The following TNS3 variants were observed in gnomAD, a reference collection of about 807,000 sequenced individuals.
TNS3 encodes tensin 3, also known as tensin-3.
TNS3 carries 45 observed loss-of-function variants against 140.9 expected under a neutral mutation model. The ratio of observed to expected loss-of-function variants is 0.32; its 90% CI spans 0.25 to 0.41. TNS3 has a LOEUF of 0.41. Among genes scored for constraint, TNS3 ranks in the 10% least tolerant of loss-of-function variants. TNS3 has a pLI of 1.00. For synonymous variants in TNS3, 815 were observed against 788.4 expected, an observed-to-expected ratio of 1.03 and a Z score of -0.56; for missense variants, 1,716 against 1,906.7, an observed-to-expected ratio of 0.90 and a Z score of 1.86.
intron 20 of TNS3, among the ~76,000 whole-genome samples, chr7:47,319,118 A>G (rs1290566787): frequency 1.3e-5 from 2 of 152,152 alleles, no homozygotes; most frequent in Admixed American, 1.3e-4. Flanking sequence ...TCCTACAACC[A>G]CTGTCTGAGT....
Position 47,396,761 on chromosome 7 carries a change from C to T in TNS3, c.1024+39G>A, listed in dbSNP as rs771880077. 4 of 1,521,992 alleles carry T rather than the reference C, an allele frequency of 2.6e-6. No individual in the cohort carries two copies. The Admixed American group carries it at 6.7e-5, about 25-fold the overall frequency. 94.3% of individuals were successfully genotyped at this position (1,521,992 alleles called of 1,614,324 possible). A position where few individuals can be genotyped will look rare whatever the true frequency, so the allele number is the denominator to read the frequency against. The stretch of plus-strand genomic sequence containing the variant: ...TTGAGTGGGCTGTCTTCCCTGTGCC[C>T]TTTGCCTCCATAACTGCACACAAGA... On this transcript the variant is annotated intron_variant, in intron 16 of 30. Coordinates refer to ENST00000311160, the MANE Select transcript of TNS3 (RefSeq NM_022748.12).
At chr7:47,296,185 C>T (rs747004413) in intron 24 of TNS3, among the ~76,000 whole-genome samples, 25 of 151,764 alleles carry the variant, frequency 1.6e-4, no homozygotes, top group South Asian at 8.3e-4. Flanking sequence ...AAAAAGAAAA[C>T]TGAAAATCAA....
At chr7:47,565,179 A>G (rs4236388) in intron 1 of TNS3, among the ~76,000 whole-genome samples, 150,507 of 151,418 alleles carry the variant, frequency 0.99, 74,808 homozygotes, top group South Asian at 1. Flanking sequence ...CTGGGTTCAC[A>G]CCATTCTCCT....
intron 10 of TNS3, among the ~76,000 whole-genome samples, chr7:47,420,222 TAGAC>T (rs1037118192): frequency 4.9e-4 from 74 of 152,304 alleles, no homozygotes; most frequent in Middle Eastern, 3.4e-3. Flanking sequence ...TACAGGCAGT[TAGAC>T]AGGCATGAGC....
At chr7:47,465,855 C>T (rs1432707499) in intron 4 of TNS3, among the ~76,000 whole-genome samples, 1 of 149,454 alleles carries the variant, frequency 6.7e-6, no homozygotes. Flanking sequence ...ACACAAGAGG[C>T]GGAGGTTGCT....
At chr7:47,546,915 A>C (rs1344062930) in intron 1 of TNS3, among the ~76,000 whole-genome samples, 1 of 152,242 alleles carries the variant, frequency 6.6e-6, no homozygotes, top group Non-Finnish European at 1.5e-5. Flanking sequence ...AAAATGACAA[A>C]GACAGACGCC....
chr7:47,420,222 T>TA (rs1270371422), intron 10 of TNS3, among the ~76,000 whole-genome samples: 4 of 152,304 alleles, frequency 2.6e-5, no homozygotes, highest in Non-Finnish European at 1.5e-5. Context: ...TACAGGCAGT[T>TA]AGACAGGCAT....
At chr7:47,414,351 C>A (rs774829738) in intron 11 of TNS3, among the ~76,000 whole-genome samples, 52 of 152,320 alleles carry the variant, frequency 3.4e-4, no homozygotes, top group Non-Finnish European at 6.9e-4. Context: ...AACCTCTGAG[C>A]AAGCACCTGC....
At chr7:47,295,077 C>T (rs777872540) in intron 24 of TNS3, among the ~76,000 whole-genome samples, 1 of 152,104 alleles carries the variant, frequency 6.6e-6, no homozygotes, top group African/African-American at 2.4e-5. Context: ...ATCTGAATGT[C>T]AAATCCAGGG....
chr7:47,382,574 C>T (rs1435145968), intron 16 of TNS3, among the ~76,000 whole-genome samples: 1 of 152,134 alleles, frequency 6.6e-6, no homozygotes. Flanking sequence ...GCCCCCAAGC[C>T]TTTTCACCCT....
At chr7:47,357,391 C>T (rs1790053682) in intron 17 of TNS3, among the ~76,000 whole-genome samples, 1 of 152,182 alleles carries the variant, frequency 6.6e-6, no homozygotes, top group Admixed American at 6.5e-5. Context: ...TTCACACACA[C>T]ACACTAATCT....
At chr7:47,445,559 T>C (rs1795688146) in intron 4 of TNS3, among the ~76,000 whole-genome samples, 1 of 152,184 alleles carries the variant, frequency 6.6e-6, no homozygotes, top group Non-Finnish European at 1.5e-5. Flanking sequence ...AGACTCTTGC[T>C]TGGGGGAGCT....
intron 10 of TNS3, 129 bp from the exon 11 acceptor site, chr7:47,415,335 C>G: frequency 1.6e-6 from 1 of 632,010 alleles, no homozygotes; most frequent in Non-Finnish European, 2.7e-6. Context: ...CTGCTCACAG[C>G]CAGGGGTTCT....
intron 2 of TNS3, among the ~76,000 whole-genome samples, chr7:47,515,384 T>G (rs1246743267): frequency 6.6e-6 from 1 of 152,076 alleles, no homozygotes; most frequent in Admixed American, 6.5e-5. Flanking sequence ...TTGCCATTGT[T>G]ACTATCACCA....
intron 4 of TNS3, among the ~76,000 whole-genome samples, chr7:47,453,786 G>C (rs1371866871): frequency 6.6e-6 from 1 of 152,174 alleles, no homozygotes; most frequent in Non-Finnish European, 1.5e-5. Context: ...GTGACATAGA[G>C]TCCCGGACCT....
intron 1 of TNS3, among the ~76,000 whole-genome samples, chr7:47,549,756 A>G (rs1800012930): frequency 6.6e-6 from 1 of 152,100 alleles, no homozygotes; most frequent in African/African-American, 2.4e-5. Flanking sequence ...ACTCTAGTCC[A>G]TCTGTCCATC....
intron 17 of TNS3, among the ~76,000 whole-genome samples, chr7:47,349,510 G>A (rs1244377021): frequency 6.6e-6 from 1 of 152,246 alleles, no homozygotes; most frequent in East Asian, 1.9e-4. Flanking sequence ...GGAAGAATGG[G>A]GGAGTCAAGG....
intron 1 of TNS3, among the ~76,000 whole-genome samples, chr7:47,537,070 C>A (rs1345242583): frequency 6.6e-6 from 1 of 151,816 alleles, no homozygotes; most frequent in African/African-American, 2.4e-5. Flanking sequence ...GCGCGCGAAC[C>A]CTCCCGGTGG....
chr7:47,493,839 A>G (rs2151836702), intron 3 of TNS3, among the ~76,000 whole-genome samples: 1 of 152,120 alleles, frequency 6.6e-6, no homozygotes, highest in African/African-American at 2.4e-5. Context: ...AAAAAAAAAA[A>G]AAGCTGACAA....
Sources: allele counts gnomAD v4.1 joint callset (sites outside exome capture counted in the v4.1 genomes callset), GRCh38; gene constraint gnomAD v4.1.1; transcripts MANE v1.5; gene names NCBI Gene and HGNC (gene_info 2026-07-23, HGNC 2026-07-21).